PLEKHF2: variants seen among roughly 807,000 people sequenced by gnomAD.
The protein encoded by PLEKHF2 is pleckstrin homology and FYVE domain containing 2, also known as pleckstrin homology domain-containing family F member 2.
In PLEKHF2, 4 loss-of-function variants were observed where a neutral mutation model predicts 14.7. The ratio of observed to expected loss-of-function variants is 0.27; its 90% confidence interval spans 0.13 to 0.62. The LOEUF (loss-of-function observed/expected upper bound fraction) is 0.62, where lower values mean the gene tolerates loss of function less well. Ranked by LOEUF, PLEKHF2 falls within the 20% of genes least tolerant of loss-of-function variation. PLEKHF2 has a pLI of 0.85. For synonymous variants in PLEKHF2, 90 were observed against 103.5 expected (o/e 0.87, Z 0.79); for missense variants, 201 against 307.7 (o/e 0.65, Z 2.60).
intron 1 of PLEKHF2, among the ~76,000 whole-genome samples, chr8:95,143,344 C>T (rs574883214): frequency 4.6e-5 from 7 of 152,266 alleles, no homozygotes; most frequent in Admixed American, 1.3e-4. Context: ...TGTGATCCGC[C>T]CGCCTCGGCC....
At chr8:95,143,860 T>C (rs1488261379) in intron 1 of PLEKHF2, among the ~76,000 whole-genome samples, 1 of 152,216 alleles carries the variant, frequency 6.6e-6, no homozygotes, top group Admixed American at 6.5e-5. Context: ...TACCTGATTA[T>C]AGCTATAGTT....
chr8:95,133,827 G>A lies in PLEKHF2; in HGVS notation c.-218G>A, dbSNP rs1810344368. ...GCCGTTGTCGGGTTCGACTGGAGGGGCGGGGGAGTCACCTGCGAGCGGCTG... is the reference window on the plus strand; with the variant it reads ...GCCGTTGTCGGGTTCGACTGGAGGGACGGGGGAGTCACCTGCGAGCGGCTG... On this transcript the variant is annotated 5_prime_UTR_variant, in exon 1 of 2. Coordinates refer to ENST00000315367, the MANE Select transcript of PLEKHF2 (RefSeq NM_024613.4). 6.6e-6 allele frequency: 1 copy of A among 152,588 alleles called. No individual in the cohort carries two copies. The highest frequency in any genetic ancestry group is 2.4e-5 in the African/African-American group (1 of 41,452). 9.5% of individuals were successfully genotyped at this position (152,588 alleles called of 1,614,324 possible).
At chr8:95,138,034 A>G (rs1279922727) in intron 1 of PLEKHF2, among the ~76,000 whole-genome samples, 2 of 152,126 alleles carry the variant, frequency 1.3e-5, no homozygotes, top group African/African-American at 2.4e-5. Context: ...TCACTAGACC[A>G]CATAGTCCCT....
intron 1 of PLEKHF2, among the ~76,000 whole-genome samples, chr8:95,153,269 T>A (rs1033941839): frequency 6.6e-6 from 1 of 152,142 alleles, no homozygotes; most frequent in African/African-American, 2.4e-5. Context: ...TTACCTAAAC[T>A]AAGTCTCGAA....
chr8:95,140,007 G>A (rs551896028), intron 1 of PLEKHF2, among the ~76,000 whole-genome samples: 32 of 151,988 alleles, frequency 2.1e-4, no homozygotes, highest in African/African-American at 7.2e-4. Flanking sequence ...CTCTGCTCTC[G>A]TTTTTCTTCC....
At chr8:95,149,261 T>C (rs2132109824) in intron 1 of PLEKHF2, among the ~76,000 whole-genome samples, 1 of 152,314 alleles carries the variant, frequency 6.6e-6, no homozygotes, top group South Asian at 2.1e-4. Context: ...ACTCAGTTTA[T>C]AATACTACCT....
Position 95,156,681 on chromosome 8 carries a change from A to G in PLEKHF2, c.*1887A>G, listed in dbSNP as rs1047250050. On this transcript the variant is annotated 3_prime_UTR_variant, in exon 2 of 2. Transcript: ENST00000315367. ...TTTTTACAATAAAAAATATTTTACAACTTACTTTCTGTTCTCTGTATATTG... is the reference window on the plus strand; with the variant it reads ...TTTTTACAATAAAAAATATTTTACAGCTTACTTTCTGTTCTCTGTATATTG... 1.8e-5 allele frequency: 3 copies of G among 166,626 alleles called. No individual in the cohort carries two copies. The highest frequency in any genetic ancestry group is 4.8e-5 in the African/African-American group (2 of 41,430). 10.3% of individuals were successfully genotyped at this position (166,626 alleles called of 1,614,324 possible).
chr8:95,146,697 T>C (rs1476568050), intron 1 of PLEKHF2, among the ~76,000 whole-genome samples: 1 of 152,076 alleles, frequency 6.6e-6, no homozygotes, highest in Non-Finnish European at 1.5e-5. Flanking sequence ...CCTTTCATTA[T>C]TTTTAAAAAT....
intron 1 of PLEKHF2, among the ~76,000 whole-genome samples, chr8:95,151,259 A>T (rs1051874457): frequency 6.6e-6 from 1 of 152,144 alleles, no homozygotes; most frequent in Non-Finnish European, 1.5e-5. Context: ...TTCTCATAGT[A>T]GCAATAATAG....
At position 95,154,919 on chromosome 8, in the gene PLEKHF2, C is replaced by A; in HGVS notation, c.*125C>A. The A allele has an allele frequency of 8.6e-7, 1 of 1,161,298 alleles. No homozygotes were observed. Among genetic ancestry groups the A allele is most frequent in the Non-Finnish European group, 1.2e-6 (1 of 819,446 alleles). 71.9% of individuals were successfully genotyped at this position (1,161,298 alleles called of 1,614,324 possible). A position where few individuals can be genotyped will look rare whatever the true frequency, so the allele number is the denominator to read the frequency against. On this transcript the variant is annotated 3_prime_UTR_variant, in exon 2 of 2. Coordinates refer to ENST00000315367, the MANE Select transcript of PLEKHF2 (RefSeq NM_024613.4). This position sits in a 1 kb window ranked among gnomAD's most constrained non-coding sequence, Gnocchi z 5.6. ...TGAATTTGCCTGAGAAACTTGTAAC[C>A]TATGTGCCTCAATATATTCCATAGA...
intron 1 of PLEKHF2, among the ~76,000 whole-genome samples, chr8:95,148,771 A>G (rs1286616241): frequency 2.0e-5 from 3 of 152,128 alleles, no homozygotes; most frequent in Non-Finnish European, 4.4e-5. Context: ...TTAGAATGCA[A>G]ATATTTGAAA....
intron 1 of PLEKHF2, among the ~76,000 whole-genome samples, chr8:95,143,123 G>A (rs1810456032): frequency 1.4e-5 from 2 of 141,182 alleles, no homozygotes; most frequent in Admixed American, 1.4e-4. Flanking sequence ...TTTTTGAGAT[G>A]GAGTCTCGCT....
rs1445260442 is a variant in PLEKHF2, at chr8:95,155,099, CGTT to C, written c.*312_*314del. ...GTTTGTTTTAACAGGTCATGTACTACGTTGTTGTTTTCATTTCTGTTATAAGTA... is the reference window on the plus strand; with the variant it reads ...GTTTGTTTTAACAGGTCATGTACTACGTTGTTTTCATTTCTGTTATAAGTA... On this transcript the variant is annotated 3_prime_UTR_variant, in exon 2 of 2. Transcript: ENST00000315367. 10 of 286,024 alleles carry C rather than the reference CGTT, an allele frequency of 3.5e-5. No individual in the cohort carries two copies. Among genetic ancestry groups the C allele is most frequent in the East Asian group, 7.2e-5 (1 of 13,918 alleles). 17.7% of individuals were successfully genotyped at this position (286,024 alleles called of 1,614,324 possible).
chr8:95,151,231 A>G (rs1457530114), intron 1 of PLEKHF2, among the ~76,000 whole-genome samples: 2 of 152,140 alleles, frequency 1.3e-5, no homozygotes, highest in African/African-American at 4.8e-5. Flanking sequence ...GCACAGTACA[A>G]ATTTATGATA....
chr8:95,137,674 C>A (rs1403637348), intron 1 of PLEKHF2, among the ~76,000 whole-genome samples: 1 of 152,248 alleles, frequency 6.6e-6, no homozygotes, highest in East Asian at 1.9e-4. Context: ...ATATTTGCAG[C>A]TGAGGAAAGT....
intron 1 of PLEKHF2, among the ~76,000 whole-genome samples, chr8:95,148,293 A>C (rs1810523072): frequency 6.6e-6 from 1 of 152,056 alleles, no homozygotes; most frequent in African/African-American, 2.4e-5. Flanking sequence ...CGACCCAGAT[A>C]GTCAATTGAG....
chr8:95,153,106 C>T (rs1008698696), intron 1 of PLEKHF2, among the ~76,000 whole-genome samples: 1 of 152,080 alleles, frequency 6.6e-6, no homozygotes, highest in African/African-American at 2.4e-5. Flanking sequence ...ATCAGATGAT[C>T]TCTGCTTTTT....
intron 1 of PLEKHF2, among the ~76,000 whole-genome samples, chr8:95,145,659 T>C (rs372034190): frequency 4.6e-5 from 7 of 152,182 alleles, no homozygotes; most frequent in African/African-American, 7.2e-5. Flanking sequence ...CTCCTGACCT[T>C]GTGATCTGCC....
chr8:95,153,911 G>A, intron 1 of PLEKHF2, 120 bp from the exon 2 acceptor site: 1 of 744,866 alleles, frequency 1.3e-6, no homozygotes, highest in East Asian at 3.0e-5. Flanking sequence ...TAGAGGGAAA[G>A]AATTTTAGAA....
Sources: allele counts gnomAD v4.1 joint callset (sites outside exome capture counted in the v4.1 genomes callset), GRCh38; gene constraint gnomAD v4.1.1; non-coding constraint Gnocchi (gnomAD v3.1); transcripts MANE v1.5; gene names NCBI Gene and HGNC (gene_info 2026-07-23, HGNC 2026-07-21).